The following GRM8 variants were observed in gnomAD, a reference collection of about 807,000 sequenced individuals.
GRM8 encodes the protein metabotropic glutamate receptor 8.
In GRM8, 47 loss-of-function variants were observed where a neutral mutation model predicts 87.2. That is an observed-to-expected ratio of 0.54 (90% CI 0.43 to 0.69). The LOEUF is 0.69. Among genes scored for constraint, GRM8 ranks in the 30% least tolerant of loss-of-function variants. The probability of loss-of-function intolerance (pLI) is 0.00; values close to 1 mark genes in which losing one functional copy is unlikely to be tolerated. For synonymous variants in GRM8, 396 were observed against 404.5 expected, an observed-to-expected ratio of 0.98 and a Z score of 0.25; for missense variants, 1,019 against 1,139.2, an observed-to-expected ratio of 0.89 and a Z score of 1.52.
chr7:127,147,632 A>G (rs1264341870), intron 2 of GRM8, among the ~76,000 whole-genome samples: 2 of 152,052 alleles, frequency 1.3e-5, no homozygotes, highest in Admixed American at 1.3e-4. Flanking sequence ...CATTTGCCAT[A>G]TCTTTCAAGC....
rs190587593 is a variant in GRM8, at chr7:126,928,804, C to T, written c.728-24121G>A. Among the ~76,000 whole-genome samples the T allele has an allele frequency of 1.4e-3, 209 of 151,866 alleles. 1 individual carries two copies. Among genetic ancestry groups the T allele is most frequent in the African/African-American group, 4.9e-3 (203 of 41,372 alleles). On this transcript the variant is annotated intron_variant, in intron 3 of 10. Transcript: ENST00000339582. ...TCTTTGACATGTACATTAAATATGACGTCTACCCTTATAATAATAGGAGGA... is the reference window on the plus strand; with the variant it reads ...TCTTTGACATGTACATTAAATATGATGTCTACCCTTATAATAATAGGAGGA...
chr7:126,717,375 G>C (rs953398318), intron 7 of GRM8, among the ~76,000 whole-genome samples: 1 of 152,150 alleles, frequency 6.6e-6, no homozygotes, highest in South Asian at 2.1e-4. Flanking sequence ...TAGCATGCAT[G>C]TGAGCCATCC....
chr7:126,840,307 A>G, intron 6 of GRM8, among the ~76,000 whole-genome samples: 1 of 152,200 alleles, frequency 6.6e-6, no homozygotes, highest in East Asian at 1.9e-4. Flanking sequence ...AGTTATCATA[A>G]TTAATTAGGT....
chr7:127,043,772 AT>A (rs1431237293), intron 3 of GRM8, among the ~76,000 whole-genome samples: 10 of 152,178 alleles, frequency 6.6e-5, no homozygotes, highest in South Asian at 4.1e-4. Context: ...AATAAAAAAA[AT>A]AAAATAAAAA....
intron 9 of GRM8, among the ~76,000 whole-genome samples, chr7:126,471,669 T>G (rs1394395842): frequency 6.6e-6 from 1 of 151,938 alleles, no homozygotes; most frequent in Non-Finnish European, 1.5e-5. Flanking sequence ...GACTTGGCGA[T>G]GCGGGCTCTT....
In GRM8 at chr7:127,242,852, G is replaced by A. The variant is rs142013291; in HGVS notation, c.353C>T (p.Thr118Ile). 3.7e-6 allele frequency: 6 copies of A among 1,614,034 alleles called. No individual in the cohort carries two copies. The African/African-American group carries it at 6.7e-5, about 18-fold the overall frequency. The change falls in exon 2 of 11, where the codon ACA becomes ATA. Residue 118 changes from threonine to isoleucine, a missense_variant. Coordinates refer to ENST00000339582, the MANE Select transcript of GRM8 (RefSeq NM_000845.3). ...RDTYALEQSL[T>I]FVQALIEKDA... ...TTTCTCTATTAATGCCTGCACGAAT[G>A]TTAGAGACTGCTCCAAAGCATAGGT...
chr7:126,700,491 C>T (rs925812249), intron 7 of GRM8, among the ~76,000 whole-genome samples: 6 of 152,098 alleles, frequency 3.9e-5, no homozygotes, highest in African/African-American at 1.2e-4. Flanking sequence ...TCACTTGATT[C>T]TCAAAACAAT....
At chr7:126,479,240 A>G (rs13240298) in intron 9 of GRM8, among the ~76,000 whole-genome samples, 46,890 of 152,016 alleles carry the variant, frequency 0.31, 8,073 homozygotes, top group Non-Finnish European at 0.37. Flanking sequence ...TTTAAATAAA[A>G]TTATTGATAC....
At chr7:126,918,166 T>C (rs1474645100) in intron 3 of GRM8, among the ~76,000 whole-genome samples, 3 of 152,206 alleles carry the variant, frequency 2.0e-5, no homozygotes, top group Non-Finnish European at 2.9e-5. Flanking sequence ...GATTTACTGG[T>C]TCTTGCCAGC....
rs955123871 is a variant in GRM8, at chr7:127,032,589, T to C, written c.727+73907A>G. On this transcript the variant is annotated intron_variant, in intron 3 of 10. Coordinates refer to ENST00000339582, the MANE Select transcript of GRM8 (RefSeq NM_000845.3). ...GTTCATTTACTGTCTCAATTTGGGG[T>C]ACTTAAAAAATCAATAGCAATCTTA... 2.6e-5 allele frequency among the ~76,000 whole-genome samples: 4 copies of C among 152,160 alleles called. 1 individual carries two copies. Among genetic ancestry groups the C allele is most frequent in the Non-Finnish European group, 5.9e-5 (4 of 68,016 alleles).
chr7:126,505,392 C>G (rs1017186336), intron 9 of GRM8, among the ~76,000 whole-genome samples: 21 of 152,062 alleles, frequency 1.4e-4, no homozygotes, highest in Admixed American at 1.4e-3. Flanking sequence ...TGTTTTGCCC[C>G]CATTTACACA....
Position 127,243,143 on chromosome 7 carries a change from A to C in GRM8, c.62T>G (p.Phe21Cys), listed in dbSNP as rs769202. Residue 21 changes from phenylalanine (F) to cysteine (C), a missense_variant, in exon 2 of 11, where the codon TTC becomes TGC. Transcript: ENST00000339582. Reference protein sequence around the residue: ...CPCFFLLTAKFYWILTMMQRT... With the variant: ...CPCFFLLTAKCYWILTMMQRT... ...TTGCATCATTGTGAGGATCCAGTAG[A>C]ACTTGGCGGTCAAGAGGAAGAAACA... is the stretch of plus-strand genomic sequence containing the variant. 5.4e-4 allele frequency: 879 copies of C among 1,613,888 alleles called. 9 individuals are homozygous for C. In the Admixed American group the frequency reaches 0.014, roughly 26 times the overall value.
At chr7:126,784,617 G>A (rs766244876) in intron 6 of GRM8, among the ~76,000 whole-genome samples, 13 of 152,166 alleles carry the variant, frequency 8.5e-5, no homozygotes, top group Non-Finnish European at 1.5e-4. Context: ...CTTCACAGAA[G>A]CTGAAAGGGG....
intron 3 of GRM8, among the ~76,000 whole-genome samples, chr7:127,000,604 T>C (rs1051990096): frequency 1.3e-5 from 2 of 151,452 alleles, no homozygotes; most frequent in South Asian, 4.1e-4. Context: ...AAAAAGAAAA[T>C]ATTGTATGAT....
chr7:127,081,808 T>C (rs943898138), intron 3 of GRM8, among the ~76,000 whole-genome samples: 1 of 152,112 alleles, frequency 6.6e-6, no homozygotes, highest in Non-Finnish European at 1.5e-5. Context: ...ATATTCACCA[T>C]CACGGGTGGG....
intron 2 of GRM8, among the ~76,000 whole-genome samples, chr7:127,209,365 C>T (rs1220773145): frequency 6.6e-6 from 1 of 152,202 alleles, no homozygotes; most frequent in African/African-American, 2.4e-5. Context: ...GAAACCCAGC[C>T]AAGATCTCAG....
chr7:126,845,089 G>A (rs1217700125), intron 6 of GRM8, among the ~76,000 whole-genome samples: 1 of 152,190 alleles, frequency 6.6e-6, no homozygotes, highest in Non-Finnish European at 1.5e-5. Flanking sequence ...AAGAAGTAGT[G>A]ATGGGCTACT....
chr7:126,929,458 G>C (rs1234842595), intron 3 of GRM8, among the ~76,000 whole-genome samples: 1 of 151,978 alleles, frequency 6.6e-6, no homozygotes, highest in Non-Finnish European at 1.5e-5. Flanking sequence ...TTTTGAGATG[G>C]AGTCTTGCTC....
intron 2 of GRM8, among the ~76,000 whole-genome samples, chr7:127,196,546 C>A (rs983057121): frequency 6.8e-6 from 1 of 146,618 alleles, no homozygotes; most frequent in Admixed American, 6.8e-5. Context: ...AAAAAAAAAA[C>A]AAGCAAAAAA....
Sources: allele counts gnomAD v4.1 joint callset (sites outside exome capture counted in the v4.1 genomes callset), GRCh38; gene constraint gnomAD v4.1.1; transcripts MANE v1.5; gene names NCBI Gene and HGNC (gene_info 2026-07-23, HGNC 2026-07-21).